RPS6KA5: variants seen among roughly 807,000 people sequenced by gnomAD.
RPS6KA5 encodes the protein ribosomal protein S6 kinase A5, also known as ribosomal protein S6 kinase alpha-5.
In RPS6KA5, 27 loss-of-function variants were observed where a neutral mutation model predicts 85.5. That is an observed-to-expected ratio of 0.32 (90% CI 0.23 to 0.44). The LOEUF is 0.44. Ranked by LOEUF, RPS6KA5 falls within the 20% of genes least tolerant of loss-of-function variation. The pLI is 1.00. For missense variants in RPS6KA5, 811 were observed against 980.9 expected (o/e 0.83, Z 2.31); for synonymous variants, 334 against 348.2 (o/e 0.96, Z 0.46).
intron 7 of RPS6KA5, among the ~76,000 whole-genome samples, chr14:90,916,575 T>C (rs570910301): frequency 6.6e-6 from 1 of 152,240 alleles, no homozygotes; most frequent in South Asian, 2.1e-4. Flanking sequence ...TTTATCTAAA[T>C]GATACATACA....
intron 2 of RPS6KA5, among the ~76,000 whole-genome samples, chr14:90,988,638 C>T (rs760606326): frequency 8.5e-5 from 13 of 152,060 alleles, no homozygotes; most frequent in African/African-American, 2.2e-4. Flanking sequence ...CTTGGTGAAA[C>T]GCCGTCTCTA....
rs1173563900 is a variant in RPS6KA5 at position 90,857,686 on chromosome 14, AAAG to A, written c.*14385_*14387del. 2 of 152,234 alleles carry A rather than the reference AAAG, an allele frequency of 1.3e-5. No individual in the cohort carries two copies. Among genetic ancestry groups the A allele is most frequent in the African/African-American group, 4.8e-5 (2 of 41,460 alleles). 9.4% of individuals were successfully genotyped at this position (152,234 alleles called of 1,614,324 possible). Reference sequence around the variant, plus strand: ...TTCAAAAGGCTAAAAATATTTATATAAAGAAGATGTAATCATCTAAAAGATTCC... The same window carrying A: ...TTCAAAAGGCTAAAAATATTTATATAAAGATGTAATCATCTAAAAGATTCC... On this transcript the variant is annotated 3_prime_UTR_variant, in exon 17 of 17. Coordinates refer to ENST00000614987, the MANE Select transcript of RPS6KA5 (RefSeq NM_004755.4).
At position 91,041,055 on chromosome 14, in the gene RPS6KA5, A is replaced by AT. The variant is rs374003100; in HGVS notation, c.103+19276dup. Among the ~76,000 whole-genome samples, 6 of 150,870 alleles carry AT rather than the reference A, an allele frequency of 4.0e-5. No individual in the cohort carries two copies. The East Asian group carries it at 5.8e-4, about 15-fold the overall frequency. ...AGAAATAACTAGAGGGCGACAGAGA[A>AT]TTTTTTTTTTCTTTTTTCTTTTTAC... On this transcript the variant is annotated intron_variant, in intron 1 of 16. Coordinates refer to ENST00000614987, the MANE Select transcript of RPS6KA5 (RefSeq NM_004755.4).
intron 1 of RPS6KA5, among the ~76,000 whole-genome samples, chr14:91,026,203 A>G (rs539860254): frequency 6.6e-6 from 1 of 152,278 alleles, no homozygotes; most frequent in South Asian, 2.1e-4. Flanking sequence ...CGCATATTCC[A>G]TGGTGTATAC....
chr14:91,016,651 T>G (rs1159751936), intron 1 of RPS6KA5, among the ~76,000 whole-genome samples: 1 of 152,214 alleles, frequency 6.6e-6, no homozygotes, highest in East Asian at 1.9e-4. Flanking sequence ...AAGTGAGGGA[T>G]GCACAGCAGC....
chr14:90,996,038 G>T (rs898727385), intron 2 of RPS6KA5, among the ~76,000 whole-genome samples: 45 of 152,286 alleles, frequency 3.0e-4, no homozygotes, highest in African/African-American at 1.0e-3. Context: ...GTGAGACAGG[G>T]TCTCGCTCTA....
chr14:90,937,534 G>A (rs1566764172), intron 5 of RPS6KA5, among the ~76,000 whole-genome samples: 1 of 152,134 alleles, frequency 6.6e-6, no homozygotes. Flanking sequence ...AGAAGAGAAG[G>A]CAGGCAGAGT....
intron 3 of RPS6KA5, among the ~76,000 whole-genome samples, chr14:90,973,162 T>C (rs1033958333): frequency 6.6e-6 from 1 of 152,124 alleles, no homozygotes; most frequent in South Asian, 2.1e-4. Context: ...CAAAAAAGGA[T>C]GGGTGTGGTG....
chr14:90,893,945 CTAAT>C (rs1367290715), intron 13 of RPS6KA5: 2 of 802,188 alleles, frequency 2.5e-6, no homozygotes, highest in Non-Finnish European at 3.0e-6. Context: ...GACGGCATAA[CTAAT>C]TAAACCAAGA....
chr14:90,908,021 T>C (rs767070686), intron 7 of RPS6KA5, among the ~76,000 whole-genome samples: 1 of 152,388 alleles, frequency 6.6e-6, no homozygotes, highest in South Asian at 2.1e-4. Flanking sequence ...GACATCATCT[T>C]AGCATACTGA....
Position 90,853,686 on chromosome 14 carries a change from A to AAC in RPS6KA5, c.*18387_*18388insGT, listed in dbSNP as rs56182117. 6.8e-6 allele frequency: 1 copy of AAC among 146,966 alleles called. No individual in the cohort carries two copies. Among genetic ancestry groups the AAC allele is most frequent in the African/African-American group, 2.6e-5 (1 of 38,078 alleles). The allele number at this position is 146,966 out of a possible 1,614,324, so 9.1% of individuals were successfully genotyped here. On this transcript the variant is annotated 3_prime_UTR_variant, in exon 17 of 17. Transcript: ENST00000614987. ...TAAAAATACAAAAAAAAAAAAAAAA[A>AAC]CCCTAAAATTTAACACTATGAAGTC...
In RPS6KA5 at chr14:90,915,787, A is replaced by C. The variant is rs113409814; in HGVS notation, c.806+4419T>G. ...GGCCACTATATCCAGACTTGGTGAC[A>C]GAGTGAGACTCTGTCTCAACATTAA... On this transcript the variant is annotated intron_variant, in intron 7 of 16. Coordinates refer to ENST00000614987, the MANE Select transcript of RPS6KA5 (RefSeq NM_004755.4). 4.8e-3 allele frequency among the ~76,000 whole-genome samples: 727 copies of C among 152,180 alleles called. 7 individuals carry two copies. Among genetic ancestry groups the C allele is most frequent in the African/African-American group, 0.017 (690 of 41,526 alleles).
rs2034008629 is a variant in RPS6KA5, at chr14:90,883,800, G to C, written c.1836+6687C>G. The stretch of plus-strand genomic sequence containing the variant: ...GTTTGCTTTTTTTGTGTTTGTTTTT[G>C]TTTATTGCTTTTCGTTTTTTGATTG... On this transcript the variant is annotated intron_variant, in intron 14 of 16. Transcript: ENST00000614987. Among the ~76,000 whole-genome samples, 4 of 152,052 alleles carry C rather than the reference G, an allele frequency of 2.6e-5. No individual in the cohort carries two copies. The South Asian group carries it at 8.3e-4, about 32-fold the overall frequency.
rs533237822 is a variant in RPS6KA5, at chr14:91,032,603, T to C, written c.103+27729A>G. On this transcript the variant is annotated intron_variant, in intron 1 of 16. Transcript: ENST00000614987. ...AAAGAGGCAGGGGCAACACATCTAG[T>C]TGGAACATCAGAGATAGCTTCATGC... is the stretch of plus-strand genomic sequence containing the variant. Among the ~76,000 whole-genome samples, 6 of 152,212 alleles carry C rather than the reference T, an allele frequency of 3.9e-5. No homozygotes were observed. The South Asian group carries it at 1.2e-3, about 32-fold the overall frequency.
intron 3 of RPS6KA5, among the ~76,000 whole-genome samples, chr14:90,971,272 A>G (rs1281233901): frequency 1.3e-5 from 2 of 152,130 alleles, no homozygotes; most frequent in African/African-American, 4.8e-5. Flanking sequence ...AGCCGAGATC[A>G]CGCCACTGCA....
In RPS6KA5 at chr14:90,890,601, C is replaced by T. The variant is rs146437557; in HGVS notation, c.1722G>A (p.Pro574=). The T allele has an allele frequency of 1.5e-5, 24 of 1,614,006 alleles. No homozygotes were observed. The highest frequency in any genetic ancestry group is 8.0e-5 in the African/African-American group (6 of 74,914). ...IDFGFARLKP[P]DNQPLKTPCF... ...ATGGAGTCTTCAGGGGCTGATTATC[C>T]GGTGGCTTTAGCCGTGCAAATCCAA... The change falls in exon 14 of 17, where the codon CCG becomes CCA. Residue 574 remains proline, a synonymous_variant. Transcript: ENST00000614987.
In RPS6KA5 at chr14:90,855,249, T is replaced by C. The variant is rs374481628; in HGVS notation, c.*16825A>G. Reference sequence around the variant, plus strand: ...CATGAATGGCATTAATTTTCTGCTATTTTAAAGGTATTATGTTTGATGAAA... The same window carrying C: ...CATGAATGGCATTAATTTTCTGCTACTTTAAAGGTATTATGTTTGATGAAA... On this transcript the variant is annotated 3_prime_UTR_variant, in exon 17 of 17. Coordinates refer to ENST00000614987, the MANE Select transcript of RPS6KA5 (RefSeq NM_004755.4). The C allele has an allele frequency of 2.0e-5, 3 of 152,214 alleles. No homozygotes were observed. The highest frequency in any genetic ancestry group is 3.8e-4 in the East Asian group (2 of 5,202). The allele number at this position is 152,214 out of a possible 1,614,324, so 9.4% of individuals were successfully genotyped here.
intron 3 of RPS6KA5, among the ~76,000 whole-genome samples, chr14:90,953,559 T>C (rs1466691416): frequency 1.3e-5 from 2 of 152,190 alleles, no homozygotes; most frequent in African/African-American, 4.8e-5. Flanking sequence ...AATAGAGCCA[T>C]ATTTTTCTTC....
chr14:90,903,596 A>G (rs2035314002), intron 8 of RPS6KA5, among the ~76,000 whole-genome samples: 1 of 152,224 alleles, frequency 6.6e-6, no homozygotes, highest in Admixed American at 6.5e-5. Context: ...TGTCCCCCAT[A>G]GAATAATGCA....
Sources: gnomAD v4.1 joint callset for allele counts (sites outside exome capture counted in the v4.1 genomes callset) on GRCh38, gnomAD v4.1.1 for gene constraint, MANE v1.5 for transcripts, NCBI Gene and HGNC (gene_info 2026-07-23, HGNC 2026-07-21) for gene names.